The following SORBS2 variants were observed in gnomAD, a reference collection of about 807,000 sequenced individuals.
SORBS2 encodes the protein sorbin and SH3 domain containing 2, also known as sorbin and SH3 domain-containing protein 2.
A neutral mutation model predicts 97.7 loss-of-function variants in SORBS2; 46 were observed. The ratio of observed to expected loss-of-function variants is 0.47; its 90% CI spans 0.37 to 0.60. The LOEUF is 0.60. Among genes scored for constraint, SORBS2 ranks in the 20% least tolerant of loss-of-function variants. The probability of loss-of-function intolerance (pLI) is 0.00; values close to 1 mark genes in which losing one functional copy is unlikely to be tolerated. For missense variants in SORBS2, 1,316 were observed against 1,282.3 expected (o/e 1.03, Z -0.40); for synonymous variants, 476 against 473.4 (o/e 1.01, Z -0.07).
At chr4:185,778,620 C>T (rs1375103955) in intron 1 of SORBS2, among the ~76,000 whole-genome samples, 2 of 152,148 alleles carry the variant, frequency 1.3e-5, no homozygotes, top group South Asian at 4.2e-4. Context: ...CCCGGCCCCG[C>T]CCCTAGAGAG....
At chr4:185,722,275 T>C (rs2098521224) in intron 2 of SORBS2, among the ~76,000 whole-genome samples, 1 of 152,186 alleles carries the variant, frequency 6.6e-6, no homozygotes, top group Non-Finnish European at 1.5e-5. Context: ...ATGAAAAACA[T>C]CTGTGAAATT....
chr4:185,863,067 C>T (rs1040342680), intron 1 of SORBS2, among the ~76,000 whole-genome samples: 7 of 152,290 alleles, frequency 4.6e-5, no homozygotes, highest in African/African-American at 1.7e-4. Flanking sequence ...TCTTGAGAAG[C>T]TCTCAAGAAC....
At chr4:185,926,736 G>A (rs1319406421) in intron 1 of SORBS2, among the ~76,000 whole-genome samples, 2 of 151,976 alleles carry the variant, frequency 1.3e-5, no homozygotes, top group African/African-American at 2.4e-5. Context: ...AAACATGCGA[G>A]GTTAATTGAC....
chr4:185,884,930 A>C (rs1294442529), intron 1 of SORBS2, among the ~76,000 whole-genome samples: 1 of 152,202 alleles, frequency 6.6e-6, no homozygotes, highest in East Asian at 1.9e-4. Flanking sequence ...CCCTACAGAA[A>C]GTCAGGCAGC....
chr4:185,771,752 C>A (rs1022472246), intron 2 of SORBS2: 10 of 152,158 alleles, frequency 6.6e-5, no homozygotes, highest in African/African-American at 2.4e-4. Flanking sequence ...TAGCCTAAAT[C>A]TTTAGTGAGG....
intron 1 of SORBS2, among the ~76,000 whole-genome samples, chr4:185,888,422 C>A (rs760582411): frequency 6.6e-6 from 1 of 152,114 alleles, no homozygotes; most frequent in Non-Finnish European, 1.5e-5. Context: ...TGCTGGTAGC[C>A]ACCAAAATTT....
intron 2 of SORBS2, among the ~76,000 whole-genome samples, chr4:185,752,016 A>T (rs1224561113): frequency 6.6e-6 from 1 of 152,130 alleles, no homozygotes; most frequent in Non-Finnish European, 1.5e-5. Flanking sequence ...GGTAGAGGAC[A>T]GAGACGCTGC....
chr4:185,604,748 G>T (rs2096365505), intron 12 of SORBS2, among the ~76,000 whole-genome samples: 1 of 151,998 alleles, frequency 6.6e-6, no homozygotes, highest in African/African-American at 2.4e-5. Context: ...TTTCGCATGG[G>T]GGTGGCTGGA....
chr4:185,929,849 A>C (rs2099265587), intron 1 of SORBS2, among the ~76,000 whole-genome samples: 1 of 152,118 alleles, frequency 6.6e-6, no homozygotes, highest in Admixed American at 6.6e-5. Flanking sequence ...GAGATTTTTA[A>C]AAGCCTGATT....
chr4:185,777,175 A>G (rs1029684970), intron 1 of SORBS2, among the ~76,000 whole-genome samples: 1 of 152,178 alleles, frequency 6.6e-6, no homozygotes, highest in Non-Finnish European at 1.5e-5. Context: ...TAACTTTGAA[A>G]TCTCTAATCT....
intron 1 of SORBS2, among the ~76,000 whole-genome samples, chr4:185,953,800 A>C (rs2099278347): frequency 1.3e-5 from 2 of 152,198 alleles, no homozygotes; most frequent in Admixed American, 1.3e-4. Context: ...ACTGCTTATA[A>C]TTATGTGGAT....
chr4:185,912,886 C>T (rs774683000), intron 1 of SORBS2, among the ~76,000 whole-genome samples: 23 of 152,126 alleles, frequency 1.5e-4, no homozygotes, highest in East Asian at 5.8e-4. Context: ...CTTCCCGTTT[C>T]GAATGTTACA....
intron 1 of SORBS2, among the ~76,000 whole-genome samples, chr4:185,796,210 T>C (rs1358580215): frequency 1.3e-5 from 2 of 152,204 alleles, no homozygotes; most frequent in African/African-American, 4.8e-5. Flanking sequence ...CCTGGCCCTA[T>C]GTGAAATTCT....
intron 1 of SORBS2, among the ~76,000 whole-genome samples, chr4:185,893,204 TATC>T (rs1399213473): frequency 6.6e-6 from 1 of 152,126 alleles, no homozygotes; most frequent in African/African-American, 2.4e-5. Flanking sequence ...AGAAAGGCCT[TATC>T]ATACTAGGAA....
intron 1 of SORBS2, among the ~76,000 whole-genome samples, chr4:185,860,491 T>C (rs1345611186): frequency 1.3e-5 from 2 of 152,152 alleles, no homozygotes; most frequent in Non-Finnish European, 2.9e-5. Context: ...TGTGGGAGCA[T>C]CTGCGAGAAG....
intron 1 of SORBS2, among the ~76,000 whole-genome samples, chr4:185,938,128 G>A (rs10024968): frequency 0.4 from 59,249 of 149,664 alleles, 12,320 homozygotes; most frequent in African/African-American, 0.52. Flanking sequence ...CCTGTGAGTA[G>A]CTGGGATTAC....
At chr4:185,657,392 C>G, upstream of SORBS2, 1 of 1,508,704 alleles carries the variant, frequency 6.6e-7, no homozygotes, top group Admixed American at 2.4e-5. Context: ...TGTGCACAGC[C>G]CCAGACAGAC....
chr4:185,698,482 G>A (rs2098211705), intron 2 of SORBS2, among the ~76,000 whole-genome samples: 1 of 143,358 alleles, frequency 7.0e-6, no homozygotes, highest in South Asian at 2.5e-4. Context: ...GACAGAGCAA[G>A]ACTCCATCTC....
exon 1 of SORBS2, chr4:185,656,863 A>G: frequency 7.6e-7 from 1 of 1,312,562 alleles, no homozygotes; most frequent in African/African-American, 1.5e-5. Flanking sequence ...CTCAGCAGGC[A>G]CGGCTGAAGA....
Sources: gnomAD v4.1 joint callset for allele counts (sites outside exome capture counted in the v4.1 genomes callset) on GRCh38, gnomAD v4.1.1 for gene constraint, MANE v1.5 for transcripts, NCBI Gene and HGNC (gene_info 2026-07-23, HGNC 2026-07-21) for gene names.